TRAPPC9: variants seen among roughly 807,000 people sequenced by gnomAD.
TRAPPC9 encodes trafficking protein particle complex subunit 9.
TRAPPC9 carries 83 observed loss-of-function variants against 124.0 expected under a neutral mutation model. That is an observed-to-expected ratio of 0.67 (90% CI 0.56 to 0.80). The LOEUF (loss-of-function observed/expected upper bound fraction) is 0.80. TRAPPC9 is among the 30% of genes least tolerant of loss of function. The pLI is 0.00. For synonymous variants in TRAPPC9, 638 were observed against 617.5 expected, an observed-to-expected ratio of 1.03 and a Z score of -0.49; for missense variants, 1,302 against 1,508.3, an observed-to-expected ratio of 0.86 and a Z score of 2.27.
intron 19 of TRAPPC9, among the ~76,000 whole-genome samples, chr8:139,920,363 CAA>C (rs1832434178): frequency 6.6e-6 from 1 of 152,202 alleles, no homozygotes; most frequent in Non-Finnish European, 1.5e-5. Context: ...ACAAAACAAA[CAA>C]ACAAAGATTC....
chr8:140,307,670 T>C (rs2066174637), intron 10 of TRAPPC9, among the ~76,000 whole-genome samples: 1 of 152,226 alleles, frequency 6.6e-6, no homozygotes, highest in Non-Finnish European at 1.5e-5. Context: ...TTTCTCAGCC[T>C]GTCTTGCAAT....
chr8:140,224,044 G>C (rs1017725588), intron 16 of TRAPPC9, among the ~76,000 whole-genome samples: 1 of 152,166 alleles, frequency 6.6e-6, no homozygotes. Context: ...TGGAAGACAC[G>C]TATGAAGACT....
intron 19 of TRAPPC9, among the ~76,000 whole-genome samples, chr8:139,969,790 T>C: frequency 6.6e-6 from 1 of 152,320 alleles, no homozygotes; most frequent in African/African-American, 2.4e-5. Flanking sequence ...GTGTCTATCT[T>C]GGGGAGTTTC....
chr8:140,002,159 A>G (rs1371924072), intron 18 of TRAPPC9, among the ~76,000 whole-genome samples: 1 of 152,056 alleles, frequency 6.6e-6, no homozygotes, highest in Non-Finnish European at 1.5e-5. Flanking sequence ...CTTCATACCA[A>G]TAATACTCAA....
chr8:140,337,750 G>A (rs1411451872), intron 9 of TRAPPC9, among the ~76,000 whole-genome samples: 1 of 152,174 alleles, frequency 6.6e-6, no homozygotes, highest in African/African-American at 2.4e-5. Context: ...GGGAACAGAG[G>A]GAGGTGGAGC....
chr8:140,254,960 C>T (rs750252484), intron 15 of TRAPPC9, among the ~76,000 whole-genome samples: 13 of 152,148 alleles, frequency 8.5e-5, no homozygotes, highest in Non-Finnish European at 1.6e-4. Context: ...ACCAAAATCC[C>T]CATGAAAGAA....
chr8:140,439,544 T>C (rs924087598), intron 2 of TRAPPC9, among the ~76,000 whole-genome samples: 1 of 152,208 alleles, frequency 6.6e-6, no homozygotes, highest in Admixed American at 6.5e-5. Flanking sequence ...ATCAATTATC[T>C]TCCACTTCTT....
Position 140,275,788 on chromosome 8 carries a change from A to G in TRAPPC9, c.2148T>C (p.Asp716=). Residue 716 remains aspartate (D), a synonymous_variant, in exon 15 of 23, where the codon GAT becomes GAC. Coordinates refer to ENST00000438773, the MANE Select transcript of TRAPPC9 (RefSeq NM_001160372.4). The part of the protein sequence containing the change: ...SAHSLQPSSG[D]EISTNVSVQL... ...GGACAGATACATTAGTAGATATTTCATCACCAGAAGAAGGTTGCAATGAAT... is the reference window on the plus strand; with the variant it reads ...GGACAGATACATTAGTAGATATTTCGTCACCAGAAGAAGGTTGCAATGAAT... 2 of 1,613,524 alleles carry G rather than the reference A, an allele frequency of 1.2e-6. No homozygotes were observed. The highest frequency in any genetic ancestry group is 1.1e-5 in the South Asian group (1 of 91,062).
intron 20 of TRAPPC9, among the ~76,000 whole-genome samples, chr8:139,892,241 C>T (rs1176673120): frequency 6.6e-6 from 1 of 152,232 alleles, no homozygotes; most frequent in African/African-American, 2.4e-5. Context: ...ATGGAGCCCT[C>T]TCTCCCCATG....
intron 17 of TRAPPC9, chr8:140,096,533 C>T (rs1291150970): frequency 6.6e-6 from 1 of 152,130 alleles, no homozygotes; most frequent in Non-Finnish European, 1.5e-5. Context: ...CTTCCAAATA[C>T]ATTTTAGAGA....
chr8:140,075,766 G>A (rs2129908946), intron 17 of TRAPPC9, among the ~76,000 whole-genome samples: 1 of 152,332 alleles, frequency 6.6e-6, no homozygotes, highest in South Asian at 2.1e-4. Flanking sequence ...CGACACATTG[G>A]ATGTAGAGCC....
intron 20 of TRAPPC9, among the ~76,000 whole-genome samples, chr8:139,895,375 T>C (rs1830601736): frequency 6.6e-6 from 1 of 152,154 alleles, no homozygotes; most frequent in Admixed American, 6.5e-5. Flanking sequence ...ATACATACCT[T>C]TTGTGTAAAA....
intron 21 of TRAPPC9, among the ~76,000 whole-genome samples, chr8:139,735,784 C>G (rs553444777): frequency 6.6e-6 from 1 of 152,022 alleles, no homozygotes; most frequent in African/African-American, 2.4e-5. Context: ...CTTCCTAGCC[C>G]CAGCTCTGTA....
intron 17 of TRAPPC9, among the ~76,000 whole-genome samples, chr8:140,037,659 T>A (rs1409665443): frequency 6.9e-6 from 1 of 145,196 alleles, no homozygotes; most frequent in Non-Finnish European, 1.5e-5. Flanking sequence ...CATACACATA[T>A]ACACACATAC....
chr8:140,025,685 T>C (rs76284959), intron 17 of TRAPPC9, among the ~76,000 whole-genome samples: 2,768 of 152,034 alleles, frequency 0.018, 76 homozygotes, highest in African/African-American at 0.06. Context: ...TGAGGAAATA[T>C]AGTGACAGAA....
intron 18 of TRAPPC9, among the ~76,000 whole-genome samples, chr8:140,017,034 T>C (rs762092147): frequency 7.7e-4 from 117 of 152,228 alleles, no homozygotes; most frequent in Non-Finnish European, 1.6e-3. Flanking sequence ...ATTTCTCTAA[T>C]GATTAATAAT....
chr8:139,739,975 C>T lies in TRAPPC9; in HGVS notation c.3056-7773G>A, dbSNP rs115866235. Among the ~76,000 whole-genome samples the T allele has an allele frequency of 9.4e-3, 1,439 of 152,336 alleles. 22 individuals carry two copies. Among genetic ancestry groups the T allele is most frequent in the African/African-American group, 0.033 (1,352 of 41,580 alleles). Reference sequence around the variant, plus strand: ...ACCCAGGTTTGAACGCTGGCCCCACCACCGACTGGCTGTGCCCTGCCCCAT... The same window carrying T: ...ACCCAGGTTTGAACGCTGGCCCCACTACCGACTGGCTGTGCCCTGCCCCAT... On this transcript the variant is annotated intron_variant, in intron 21 of 22. Transcript: ENST00000438773.
At chr8:139,935,985 A>G (rs990823671) in intron 19 of TRAPPC9, among the ~76,000 whole-genome samples, 1 of 152,210 alleles carries the variant, frequency 6.6e-6, no homozygotes, top group African/African-American at 2.4e-5. Flanking sequence ...GGAAGCCTGC[A>G]CCATGTGGGG....
At chr8:139,908,092 C>T (rs1392561277) in intron 20 of TRAPPC9, among the ~76,000 whole-genome samples, 1 of 152,160 alleles carries the variant, frequency 6.6e-6, no homozygotes, top group Non-Finnish European at 1.5e-5. Context: ...CCTGTGTGCC[C>T]AGCACAATGA....
Sources: gnomAD v4.1 joint callset for allele counts (sites outside exome capture counted in the v4.1 genomes callset) on GRCh38, gnomAD v4.1.1 for gene constraint, MANE v1.5 for transcripts, NCBI Gene and HGNC (gene_info 2026-07-23, HGNC 2026-07-21) for gene names.